ERICH6B: variants seen among roughly 807,000 people sequenced by gnomAD.
The protein encoded by ERICH6B is glutamate rich 6B, also known as glutamate-rich protein 6B.
Under a neutral mutation model 80.0 loss-of-function variants are expected in ERICH6B, and 69 were observed. That is an observed-to-expected ratio of 0.86 (90% CI 0.71 to 1.05). The LOEUF is 1.05. ERICH6B is among the 50% of genes least tolerant of loss of function. The pLI, the probability that ERICH6B is intolerant of heterozygous loss-of-function variation, is 0.00. For missense variants in ERICH6B, 754 were observed against 796.1 expected, an observed-to-expected ratio of 0.95 and a Z score of 0.64; for synonymous variants, 283 against 291.9, an observed-to-expected ratio of 0.97 and a Z score of 0.31.
At chr13:45,607,353 C>T (rs1465635158) in intron 2 of ERICH6B, among the ~76,000 whole-genome samples, 1 of 152,146 alleles carries the variant, frequency 6.6e-6, no homozygotes, top group East Asian at 1.9e-4. Flanking sequence ...TTATTGAATG[C>T]CCTGTTCATA....
rs974223431 is a variant in ERICH6B, at chr13:45,561,395, T to C, written c.1381A>G (p.Lys461Glu). The change falls in exon 11 of 15, where the codon AAG becomes GAG. Residue 461 changes from lysine to glutamate, a missense_variant. Physicochemically the swap from Lys to Glu is moderately conservative, Grantham distance 56. Transcript: ENST00000298738. Reference sequence around the variant, plus strand: ...ACTGTCTTCTTCTGTATCCATTCCTTATCTCGTTCTAATTTCTTCCTATGA... The same window carrying C: ...ACTGTCTTCTTCTGTATCCATTCCTCATCTCGTTCTAATTTCTTCCTATGA... ...VHHRKKLERD[K>E]EWIQKKTVVH... is the part of the protein sequence containing the mutation. 1.9e-6 allele frequency: 3 copies of C among 1,552,264 alleles called. No individual in the cohort carries two copies. The highest frequency in any genetic ancestry group is 2.7e-5 in the African/African-American group (2 of 73,052).
At chr13:45,555,137 T>C (rs1874383986) in intron 11 of ERICH6B, among the ~76,000 whole-genome samples, 1 of 152,296 alleles carries the variant, frequency 6.6e-6, no homozygotes, top group African/African-American at 2.4e-5. Flanking sequence ...TGAGGCAGGA[T>C]AGGGCCTGGA....
chr13:45,609,112 T>A (rs1949885344), intron 1 of ERICH6B, among the ~76,000 whole-genome samples: 1 of 152,220 alleles, frequency 6.6e-6, no homozygotes, highest in Non-Finnish European at 1.5e-5. Flanking sequence ...TGCTTTCCAA[T>A]AATCCATTCT....
intron 11 of ERICH6B, 24 bp from the exon 12 acceptor site, chr13:45,550,340 G>T: frequency 6.5e-7 from 1 of 1,528,108 alleles, no homozygotes; most frequent in South Asian, 1.2e-5. Context: ...ACAAGCCTAT[G>T]AAAAGTGTGA....
intron 4 of ERICH6B, among the ~76,000 whole-genome samples, chr13:45,590,307 T>C (rs1394285447): frequency 6.6e-6 from 1 of 152,028 alleles, no homozygotes; most frequent in African/African-American, 2.4e-5. Flanking sequence ...AGACTACACC[T>C]TCCCTTGGGG....
At chr13:45,555,736 C>T (rs2137968906) in intron 11 of ERICH6B, among the ~76,000 whole-genome samples, 1 of 152,002 alleles carries the variant, frequency 6.6e-6, no homozygotes, top group East Asian at 1.9e-4. Flanking sequence ...ATACAAGGCT[C>T]AAAATAGACA....
At chr13:45,544,738 G>A in intron 14 of ERICH6B, 22 bp downstream of exon 14, 1 of 1,545,328 alleles carries the variant, frequency 6.5e-7, no homozygotes, top group South Asian at 1.2e-5. Flanking sequence ...CTGGTGGAGG[G>A]TATGGGGAGT....
intron 11 of ERICH6B, among the ~76,000 whole-genome samples, chr13:45,560,409 C>T (rs1005657162): frequency 6.6e-6 from 1 of 152,062 alleles, no homozygotes. Flanking sequence ...CCATCAACAC[C>T]CCCCCACCTG....
At chr13:45,586,775 A>T (rs189999879) in intron 5 of ERICH6B, among the ~76,000 whole-genome samples, 1 of 152,320 alleles carries the variant, frequency 6.6e-6, no homozygotes, top group East Asian at 1.9e-4. Context: ...AGGAAGACGA[A>T]TGAAAAACAG....
At chr13:45,577,002 A>G (rs1341297929) in intron 7 of ERICH6B, among the ~76,000 whole-genome samples, 2 of 152,088 alleles carry the variant, frequency 1.3e-5, no homozygotes, top group African/African-American at 4.8e-5. Context: ...TGATATCATT[A>G]TCTCCTCCTG....
At chr13:45,576,092 A>G (rs2137995385) in intron 7 of ERICH6B, among the ~76,000 whole-genome samples, 1 of 152,268 alleles carries the variant, frequency 6.6e-6, no homozygotes, top group South Asian at 2.1e-4. Flanking sequence ...TGTGATCTCT[A>G]CACATTACTT....
intron 13 of ERICH6B, 33 bp from the exon 14 acceptor site, chr13:45,545,018 G>A (rs1347222200): frequency 1.3e-6 from 2 of 1,533,190 alleles, no homozygotes; most frequent in African/African-American, 1.4e-5. Context: ...AGGCAGCCAG[G>A]GCGCTCAGCC....
chr13:45,557,458 G>T (rs1298601161), intron 11 of ERICH6B, among the ~76,000 whole-genome samples: 2 of 152,050 alleles, frequency 1.3e-5, no homozygotes, highest in Non-Finnish European at 2.9e-5. Flanking sequence ...ATTTATCTTG[G>T]TTTTTATTGC....
intron 8 of ERICH6B, among the ~76,000 whole-genome samples, chr13:45,571,938 T>A (rs1875189801): frequency 1.3e-5 from 2 of 152,220 alleles, no homozygotes; most frequent in South Asian, 2.1e-4. Context: ...AACACCTTGA[T>A]TTCAGATTTT....
chr13:45,562,830 C>G (rs895941440), intron 10 of ERICH6B, among the ~76,000 whole-genome samples: 7 of 152,116 alleles, frequency 4.6e-5, no homozygotes, highest in African/African-American at 1.4e-4. Flanking sequence ...GCAGGCAGGG[C>G]CTGCAGCAGC....
intron 2 of ERICH6B, among the ~76,000 whole-genome samples, chr13:45,599,795 A>T (rs375280135): frequency 1.0e-3 from 152 of 152,300 alleles, no homozygotes; most frequent in African/African-American, 3.4e-3. Flanking sequence ...GGCTTTCCAT[A>T]AGTTTTGCTT....
At chr13:45,581,333 G>A (rs1016720811) in intron 5 of ERICH6B, among the ~76,000 whole-genome samples, 1 of 152,122 alleles carries the variant, frequency 6.6e-6, no homozygotes, top group Admixed American at 6.5e-5. Flanking sequence ...GTGTACATGT[G>A]TGTGTACACA....
chr13:45,550,423 G>C (rs757497854), intron 11 of ERICH6B, 107 bp from the exon 12 acceptor site: 3 of 836,176 alleles, frequency 3.6e-6, no homozygotes, highest in Non-Finnish European at 5.7e-6. Flanking sequence ...CCGATGCCAC[G>C]TGCTACCTCA....
Position 45,596,795 on chromosome 13 carries a change from C to T in ERICH6B, c.211G>A (p.Glu71Lys), listed in dbSNP as rs1335040114. 6.4e-7 allele frequency: 1 copy of T among 1,551,754 alleles called. No individual in the cohort carries two copies. Among genetic ancestry groups the T allele is most frequent in the South Asian group, 1.2e-5 (1 of 84,052 alleles). Reference protein sequence around the residue: ...YLEEEEDLEEEEYLGKEEYLK... With the variant: ...YLEEEEDLEEKEYLGKEEYLK... Reference sequence around the variant, plus strand: ...TATTCTTCTTTCCCCAGATACTCTTCCTCTTCCAGATCCTCTTCCTCCTCC... The same window carrying T: ...TATTCTTCTTTCCCCAGATACTCTTTCTCTTCCAGATCCTCTTCCTCCTCC... The change falls in exon 3 of 15, where the codon GAA (glutamate) becomes AAA (lysine). Residue 71 changes from glutamate (E) to lysine (K), a missense_variant. Transcript: ENST00000298738.
Sources: allele counts gnomAD v4.1 joint callset (sites outside exome capture counted in the v4.1 genomes callset), GRCh38; gene constraint gnomAD v4.1.1; transcripts MANE v1.5; gene names NCBI Gene and HGNC (gene_info 2026-07-23, HGNC 2026-07-21).